The following WWC2 variants were observed in gnomAD, a reference collection of about 807,000 sequenced individuals.
WWC2 encodes WW and C2 domain containing 2, also known as protein WWC2.
A neutral mutation model predicts 138.5 loss-of-function variants in WWC2; 101 were observed. The ratio of observed to expected loss-of-function variants is 0.73; its 90% confidence interval spans 0.62 to 0.86. The LOEUF is 0.86. Ranked by LOEUF, WWC2 falls within the 40% of genes least tolerant of loss-of-function variation. The pLI is 0.00. For synonymous variants in WWC2, 558 were observed against 538.4 expected, an observed-to-expected ratio of 1.04 and a Z score of -0.50; for missense variants, 1,420 against 1,419.4, an observed-to-expected ratio of 1.00 and a Z score of -0.01.
chr4:183,211,655 G>A (rs1035367229), intron 4 of WWC2, among the ~76,000 whole-genome samples: 7 of 152,060 alleles, frequency 4.6e-5, no homozygotes, highest in African/African-American at 1.2e-4. Flanking sequence ...TGAACTTCAC[G>A]TCTCTTCCCT....
chr4:183,112,236 T>C (rs949597213), intron 1 of WWC2, among the ~76,000 whole-genome samples: 4 of 152,254 alleles, frequency 2.6e-5, no homozygotes, highest in Non-Finnish European at 4.4e-5. Flanking sequence ...GTAGAACGTA[T>C]GTAGATGCAT....
chr4:183,236,106 G>A (rs962533988), intron 4 of WWC2, among the ~76,000 whole-genome samples: 17 of 151,988 alleles, frequency 1.1e-4, no homozygotes, highest in African/African-American at 3.6e-4. Context: ...TTTATTGAAG[G>A]GACTGTCCTT....
Position 183,320,337 on chromosome 4 carries a change from G to A in WWC2, c.*4608G>A, listed in dbSNP as rs375724873. The A allele has an allele frequency of 6.2e-6, 6 of 961,938 alleles. 1 individual carries two copies. The highest frequency in any genetic ancestry group is 2.4e-4 in the Middle Eastern group (1 of 4,196). 59.6% of individuals were successfully genotyped at this position (961,938 alleles called of 1,614,324 possible). ...GAAATATTTCTTCATTGTGTATATA[G>A]GAGGATTCTTGCCAGAGTTGCTATT... On this transcript the variant is annotated 3_prime_UTR_variant, in exon 23 of 23. Coordinates refer to ENST00000403733, the MANE Select transcript of WWC2 (RefSeq NM_024949.6).
chr4:183,305,038 T>C lies in WWC2; in HGVS notation c.3385-7303T>C, dbSNP rs188135153. On this transcript the variant is annotated intron_variant, in intron 21 of 22. Transcript: ENST00000403733. Reference sequence around the variant, plus strand: ...AATATGCCAGAACAGATGGACATCATAAGGAGAGAGGTGGAAATTCTAAGC... The same window carrying C: ...AATATGCCAGAACAGATGGACATCACAAGGAGAGAGGTGGAAATTCTAAGC... Among the ~76,000 whole-genome samples, 199 of 152,110 alleles carry C rather than the reference T, an allele frequency of 1.3e-3. 2 individuals carry two copies. Among genetic ancestry groups the C allele is most frequent in the African/African-American group, 4.5e-3 (186 of 41,498 alleles).
At position 183,261,307 on chromosome 4, in the gene WWC2, T is replaced by G; in HGVS notation, c.1684T>G (p.Leu562Val). The G allele has an allele frequency of 2.5e-6, 4 of 1,613,622 alleles. No homozygotes were observed. The highest frequency in any genetic ancestry group is 3.4e-6 in the Non-Finnish European group (4 of 1,179,764). Residue 562 changes from leucine to valine, a missense_variant, in exon 11 of 23, where the codon TTG becomes GTG. By Grantham distance (32) the Leu-to-Val change is conservative. Coordinates refer to ENST00000403733, the MANE Select transcript of WWC2 (RefSeq NM_024949.6). ...CTCCTTGTCTCCTCCAGGCTCTCCC[T>G]TGGTTTTGGAAGGCACGTTTCCCAT... ...LSSLSPPGSP[L>V]VLEGTFPMSS...
intron 2 of WWC2, among the ~76,000 whole-genome samples, chr4:183,196,268 A>G (rs1278335421): frequency 1.3e-5 from 2 of 152,128 alleles, no homozygotes; most frequent in African/African-American, 4.8e-5. Flanking sequence ...GAAGGGTCTA[A>G]TACACCCTAC....
intron 2 of WWC2, among the ~76,000 whole-genome samples, chr4:183,200,580 A>G (rs906191543): frequency 1.3e-5 from 2 of 152,098 alleles, no homozygotes; most frequent in African/African-American, 2.4e-5. Flanking sequence ...GTAGTTTGCA[A>G]TCAAGGTGTC....
At chr4:183,225,687 T>C (rs187544751) in intron 4 of WWC2, among the ~76,000 whole-genome samples, 1 of 152,352 alleles carries the variant, frequency 6.6e-6, no homozygotes, top group Non-Finnish European at 1.5e-5. Flanking sequence ...TAAGCAGTTA[T>C]TTATTTAGTG....
intron 21 of WWC2, among the ~76,000 whole-genome samples, chr4:183,300,705 C>T (rs1580165008): frequency 6.6e-6 from 1 of 150,764 alleles, no homozygotes; most frequent in Non-Finnish European, 1.5e-5. Flanking sequence ...AAAGTATATT[C>T]TTACTCAGCA....
intron 1 of WWC2, among the ~76,000 whole-genome samples, chr4:183,190,023 G>A (rs207465373): frequency 5.3e-5 from 8 of 152,248 alleles, no homozygotes; most frequent in Admixed American, 6.5e-5. Context: ...GCATATAAAC[G>A]TTGGCAAAGT....
intron 4 of WWC2, among the ~76,000 whole-genome samples, chr4:183,226,714 GAA>G (rs1313083187): frequency 2.0e-5 from 3 of 152,056 alleles, no homozygotes; most frequent in Non-Finnish European, 4.4e-5. Context: ...CACAAGAAGA[GAA>G]GAGAGAAAGC....
At chr4:183,255,529 C>T (rs1178109238) in intron 9 of WWC2, among the ~76,000 whole-genome samples, 4 of 152,302 alleles carry the variant, frequency 2.6e-5, no homozygotes, top group African/African-American at 9.6e-5. Context: ...TACTACATAG[C>T]ATTTACATAT....
At chr4:183,279,614 T>C (rs540824484) in intron 16 of WWC2, among the ~76,000 whole-genome samples, 238 of 152,214 alleles carry the variant, frequency 1.6e-3, no homozygotes, top group African/African-American at 5.6e-3. Context: ...CCTGGACTCT[T>C]TTTGGTTGGT....
At chr4:183,310,808 C>G (rs1388415739) in intron 21 of WWC2, among the ~76,000 whole-genome samples, 3 of 142,054 alleles carry the variant, frequency 2.1e-5, no homozygotes, top group Non-Finnish European at 4.5e-5. Flanking sequence ...AACCCTGCCT[C>G]CTAGTACAGA....
At chr4:183,247,436 T>G (rs1736811531) in intron 6 of WWC2, among the ~76,000 whole-genome samples, 1 of 148,786 alleles carries the variant, frequency 6.7e-6, no homozygotes, top group South Asian at 2.1e-4. Flanking sequence ...TTTTGTTCTT[T>G]TCTATATTAT....
chr4:183,317,324 A>G lies in WWC2; in HGVS notation c.*1595A>G, dbSNP rs1739472647. On this transcript the variant is annotated 3_prime_UTR_variant, in exon 23 of 23. Coordinates refer to ENST00000403733, the MANE Select transcript of WWC2 (RefSeq NM_024949.6). ...AGCAACTTCTGAGCCTAGAACTTTA[A>G]TTACTTTTTCCTAAATGTCCCAACA... is the stretch of plus-strand genomic sequence containing the variant. The G allele has an allele frequency of 6.6e-6, 1 of 152,324 alleles. No individual in the cohort carries two copies. Among genetic ancestry groups the G allele is most frequent in the African/African-American group, 2.4e-5 (1 of 41,464 alleles). 9.4% of individuals were successfully genotyped at this position (152,324 alleles called of 1,614,324 possible). A position where few individuals can be genotyped will look rare whatever the true frequency, so the allele number is the denominator to read the frequency against.
rs376588525 is a variant in WWC2, at chr4:183,278,808, T to A, written c.2563-1968T>A. 2.4e-4 allele frequency among the ~76,000 whole-genome samples: 36 copies of A among 151,842 alleles called. No individual in the cohort carries two copies. In the East Asian group the frequency reaches 6.8e-3, roughly 29 times the overall value. On this transcript the variant is annotated intron_variant, in intron 16 of 22. Coordinates refer to ENST00000403733, the MANE Select transcript of WWC2 (RefSeq NM_024949.6). The stretch of plus-strand genomic sequence containing the variant: ...TGTTGTTGGTGTATAAGAATGCTTG[T>A]GATTTTTGTACATTGATTTTGTATG...
intron 1 of WWC2, among the ~76,000 whole-genome samples, chr4:183,123,920 T>C (rs1414480079): frequency 6.6e-6 from 1 of 152,192 alleles, no homozygotes; most frequent in African/African-American, 2.4e-5. Context: ...CCTCCTCTTT[T>C]GATGCCTTGT....
At chr4:183,235,951 T>C (rs893290497) in intron 4 of WWC2, among the ~76,000 whole-genome samples, 2 of 152,256 alleles carry the variant, frequency 1.3e-5, no homozygotes, top group African/African-American at 2.4e-5. Context: ...CAGTAAGATA[T>C]AGTATTGTTT....
Sources: gnomAD v4.1 joint callset for allele counts (sites outside exome capture counted in the v4.1 genomes callset) on GRCh38, gnomAD v4.1.1 for gene constraint, MANE v1.5 for transcripts, NCBI Gene and HGNC (gene_info 2026-07-23, HGNC 2026-07-21) for gene names.